The following JAKMIP3 variants were observed in gnomAD, a reference collection of about 807,000 sequenced individuals.
JAKMIP3 encodes janus kinase and microtubule-interacting protein 3.
JAKMIP3 carries 58 observed loss-of-function variants against 118.5 expected under a neutral mutation model. The observed-to-expected ratio is 0.49, with a 90% CI of 0.40 to 0.61. JAKMIP3 has a LOEUF of 0.61. Ranked by LOEUF, JAKMIP3 falls within the 20% of genes least tolerant of loss-of-function variation. The pLI is 0.00. For missense variants in JAKMIP3, 950 were observed against 1,109.0 expected (o/e 0.86, Z 2.04); for synonymous variants, 486 against 451.2 (o/e 1.08, Z -0.98).
chr10:132,108,345 C>T (rs892214137), intron 2 of JAKMIP3, among the ~76,000 whole-genome samples: 2 of 103,570 alleles, frequency 1.9e-5, no homozygotes, highest in Admixed American at 8.5e-5. Flanking sequence ...CTCCCTCTCC[C>T]AGCCCTTTCA....
At chr10:132,046,813 A>C (rs1472786376) in intron 1 of JAKMIP3, among the ~76,000 whole-genome samples, 1 of 152,224 alleles carries the variant, frequency 6.6e-6, no homozygotes, top group African/African-American at 2.4e-5. Flanking sequence ...ATCTGGGCCA[A>C]GCTTGAGGAA....
chr10:132,145,947 C>T (rs1484130121), intron 13 of JAKMIP3, among the ~76,000 whole-genome samples: 1 of 152,218 alleles, frequency 6.6e-6, no homozygotes, highest in Non-Finnish European at 1.5e-5. Flanking sequence ...GGAAGCCTGG[C>T]TGGGTCAGGG....
intron 21 of JAKMIP3, among the ~76,000 whole-genome samples, chr10:132,165,751 G>T (rs56322244): frequency 0.11 from 16,682 of 152,290 alleles, 1,246 homozygotes; most frequent in Non-Finnish European, 0.15. Flanking sequence ...CCCGCCCCTC[G>T]TAGGCGGTGA....
rs549945453 is a variant in JAKMIP3, at chr10:132,159,493, T to G, written c.2221-3716T>G. 2.9e-5 allele frequency among the ~76,000 whole-genome samples: 4 copies of G among 136,106 alleles called. No homozygotes were observed. In the East Asian group the frequency reaches 9.8e-4, roughly 33 times the overall value. The allele number at this position is 136,106 out of a possible 152,430, so 89.3% of individuals were successfully genotyped here. A position where few individuals can be genotyped will look rare whatever the true frequency, so the allele number is the denominator to read the frequency against. On this transcript the variant is annotated intron_variant, in intron 19 of 23. Transcript: ENST00000684848. ...CTTCCTGTGTAATGCTGGAGGAGGC[T>G]CTCCCTGTGTGATGCTGGGGGTGTG...
At chr10:132,054,829 C>A (rs1320827811) in intron 1 of JAKMIP3, among the ~76,000 whole-genome samples, 1 of 152,154 alleles carries the variant, frequency 6.6e-6, no homozygotes, top group Non-Finnish European at 1.5e-5. Flanking sequence ...CTTCCTGAGC[C>A]AGCCCTGGCC....
chr10:132,117,542 A>G lies in JAKMIP3; in HGVS notation c.601A>G (p.Lys201Glu). 1 of 1,582,030 alleles carries G rather than the reference A, an allele frequency of 6.3e-7. No individual in the cohort carries two copies. Among genetic ancestry groups the G allele is most frequent in the Non-Finnish European group, 8.6e-7 (1 of 1,163,816 alleles). The change falls in exon 3 of 24, where the codon AAG (lysine) becomes GAG (glutamate). Residue 201 changes from lysine (K) to glutamate (E), a missense_variant. Transcript: ENST00000684848. The surrounding 1 kb of genome is among the most constrained non-coding windows in gnomAD (Gnocchi z 8.6). ...GCACCAGGAGGAGATCACCCGCATC[A>G]AGAAGGAGTGCGAGCGGGAGATCCG... ...HLHQEEITRIKKECEREIRRL... is the reference protein window; with the variant it reads ...HLHQEEITRIEKECEREIRRL...
At chr10:132,167,870 G>A (rs1197423472) in intron 22 of JAKMIP3, 83 bp from the exon 23 acceptor site, 11 of 1,040,284 alleles carry the variant, frequency 1.1e-5, no homozygotes, top group Middle Eastern at 2.5e-4. Context: ...CTCGGCCCTC[G>A]CCCCTCGCCC....
chr10:132,133,253 A>C lies in JAKMIP3; in HGVS notation c.634-59A>C, dbSNP rs967838443. 11 of 1,402,478 alleles carry C rather than the reference A, an allele frequency of 7.8e-6. No homozygotes were observed. The South Asian group carries it at 1.2e-4, about 16-fold the overall frequency. 86.9% of individuals were successfully genotyped at this position (1,402,478 alleles called of 1,614,324 possible). A position where few individuals can be genotyped will look rare whatever the true frequency, so the allele number is the denominator to read the frequency against. ...GCCTGGCAGGGCTGCGCCCGTTTCT[A>C]TGGTAACTGCAGATCCGTGTCCTGC... On this transcript the variant is annotated intron_variant, in intron 3 of 23. Coordinates refer to ENST00000684848, the MANE Select transcript of JAKMIP3 (RefSeq NM_001323087.2).
chr10:132,181,006 C>T (rs1051821389), intron 23 of JAKMIP3, among the ~76,000 whole-genome samples: 34 of 151,402 alleles, frequency 2.2e-4, no homozygotes, highest in African/African-American at 7.4e-4. Flanking sequence ...TGTGTACATG[C>T]ATGTGCAGTG....
intron 19 of JAKMIP3, among the ~76,000 whole-genome samples, chr10:132,158,485 A>T (rs939892737): frequency 2.6e-5 from 4 of 152,234 alleles, no homozygotes; most frequent in Non-Finnish European, 5.9e-5. Flanking sequence ...CTGTGTTCTC[A>T]GACCTCAGAT....
chr10:132,098,403 TA>T (rs1188398449), intron 1 of JAKMIP3, among the ~76,000 whole-genome samples: 1 of 152,224 alleles, frequency 6.6e-6, no homozygotes, highest in African/African-American at 2.4e-5. Context: ...GTCACCGTCT[TA>T]ACATTTATCG....
chr10:132,111,113 G>A (rs533579031), intron 2 of JAKMIP3, among the ~76,000 whole-genome samples: 14 of 152,310 alleles, frequency 9.2e-5, no homozygotes, highest in East Asian at 1.9e-4. Context: ...GGAGGTGCCC[G>A]GAAAGTCCTA....
intron 19 of JAKMIP3, among the ~76,000 whole-genome samples, chr10:132,157,782 ATATTTCCTT>A (rs992819740): frequency 4.6e-5 from 7 of 151,778 alleles, no homozygotes; most frequent in Admixed American, 4.0e-4. Flanking sequence ...TCCATTGCAA[ATATTTCCTT>A]TATTTCCTTA....
chr10:132,110,395 C>A (rs930879285), intron 2 of JAKMIP3, among the ~76,000 whole-genome samples: 1 of 152,258 alleles, frequency 6.6e-6, no homozygotes, highest in African/African-American at 2.4e-5. Context: ...TGGGCTCAGC[C>A]TTCTGTGCAG....
intron 16 of JAKMIP3, among the ~76,000 whole-genome samples, chr10:132,150,659 C>T (rs1031310995): frequency 3.9e-5 from 6 of 152,020 alleles, no homozygotes; most frequent in Admixed American, 2.0e-4. Context: ...CTCCATAATC[C>T]ATGTATCCAT....
chr10:132,103,836 T>C (rs2045491199), intron 1 of JAKMIP3, among the ~76,000 whole-genome samples: 1 of 151,874 alleles, frequency 6.6e-6, no homozygotes, highest in Admixed American at 6.6e-5. Flanking sequence ...CCAGACCCTA[T>C]CTCCAAAAAA....
At chr10:132,106,858 CTT>C (rs1246140859) in intron 2 of JAKMIP3, among the ~76,000 whole-genome samples, 1 of 152,160 alleles carries the variant, frequency 6.6e-6, no homozygotes, top group Non-Finnish European at 1.5e-5. Context: ...GAATGAAACC[CTT>C]TGTTTTATTG....
At chr10:132,141,039 C>T (rs368008626) in intron 10 of JAKMIP3, among the ~76,000 whole-genome samples, 11 of 152,300 alleles carry the variant, frequency 7.2e-5, no homozygotes, top group African/African-American at 2.6e-4. Context: ...GTCTGCCCAC[C>T]AGCCCCTTCT....
chr10:132,159,318 G>C (rs1438339718), intron 19 of JAKMIP3, among the ~76,000 whole-genome samples: 2 of 135,250 alleles, frequency 1.5e-5, no homozygotes, highest in Admixed American at 7.4e-5. Flanking sequence ...GTGTGATGCT[G>C]AGGGCGCCTC....
Sources: allele counts gnomAD v4.1 joint callset (sites outside exome capture counted in the v4.1 genomes callset), GRCh38; gene constraint gnomAD v4.1.1; non-coding constraint Gnocchi (gnomAD v3.1); transcripts MANE v1.5; gene names NCBI Gene and HGNC (gene_info 2026-07-23, HGNC 2026-07-21).